The following ZNF804B variants were observed in gnomAD, a reference collection of about 807,000 sequenced individuals.
ZNF804B encodes the protein zinc finger 804B.
Under a neutral mutation model 101.4 loss-of-function variants are expected in ZNF804B, and 80 were observed. That is an observed-to-expected ratio of 0.79 (90% confidence interval 0.66 to 0.95). ZNF804B has a LOEUF of 0.95. Among genes scored for constraint, ZNF804B ranks in the 40% least tolerant of loss-of-function variants. ZNF804B has a pLI of 0.00. For synonymous variants in ZNF804B, 622 were observed against 558.8 expected, an observed-to-expected ratio of 1.11 and a Z score of -1.59; for missense variants, 1,673 against 1,561.9, an observed-to-expected ratio of 1.07 and a Z score of -1.20.
chr7:89,238,082 G>A (rs1225802271), intron 2 of ZNF804B, among the ~76,000 whole-genome samples: 1 of 152,092 alleles, frequency 6.6e-6, no homozygotes. Context: ...GGTAAGGAGA[G>A]GGAGGATAAT....
chr7:88,801,963 G>A (rs956303307), intron 1 of ZNF804B, among the ~76,000 whole-genome samples: 3 of 152,056 alleles, frequency 2.0e-5, no homozygotes, highest in Admixed American at 6.6e-5. Flanking sequence ...ATCTCATTTC[G>A]AATTGTAATC....
At chr7:89,148,807 A>T (rs1396306446) in intron 1 of ZNF804B, among the ~76,000 whole-genome samples, 1 of 152,120 alleles carries the variant, frequency 6.6e-6, no homozygotes, top group Non-Finnish European at 1.5e-5. Context: ...TCTGCTGAAT[A>T]GTCCCTTATG....
intron 1 of ZNF804B, among the ~76,000 whole-genome samples, chr7:88,816,124 C>T (rs1790872763): frequency 6.6e-6 from 1 of 152,112 alleles, no homozygotes; most frequent in Admixed American, 6.5e-5. Flanking sequence ...GCATGAATGT[C>T]CTCATCACCC....
At chr7:89,121,688 A>G (rs1275948049) in intron 1 of ZNF804B, among the ~76,000 whole-genome samples, 2 of 152,226 alleles carry the variant, frequency 1.3e-5, no homozygotes, top group Admixed American at 1.3e-4. Context: ...TTTAATTAAT[A>G]AAGAATCTAA....
chr7:88,983,023 C>T (rs892689824), intron 1 of ZNF804B, among the ~76,000 whole-genome samples: 3 of 152,038 alleles, frequency 2.0e-5, no homozygotes, highest in African/African-American at 7.2e-5. Flanking sequence ...TAGCAGTTCT[C>T]ATTCCAAAAA....
chr7:88,902,850 G>T (rs1792412855), intron 1 of ZNF804B, among the ~76,000 whole-genome samples: 1 of 151,906 alleles, frequency 6.6e-6, no homozygotes, highest in Non-Finnish European at 1.5e-5. Context: ...ATTCCAAGAT[G>T]GCATTTGCTA....
At chr7:88,869,541 C>T (rs60316710) in intron 1 of ZNF804B, among the ~76,000 whole-genome samples, 37,407 of 152,006 alleles carry the variant, frequency 0.25, 6,124 homozygotes, top group African/African-American at 0.47. Context: ...GGGGAATTAA[C>T]AGCAATATTT....
At chr7:89,077,372 G>A (rs1354969243) in intron 1 of ZNF804B, among the ~76,000 whole-genome samples, 2 of 152,060 alleles carry the variant, frequency 1.3e-5, no homozygotes, top group African/African-American at 4.8e-5. Flanking sequence ...AAATGTAGAT[G>A]TTTCTGATAG....
At chr7:88,887,116 A>T (rs1048725140) in intron 1 of ZNF804B, among the ~76,000 whole-genome samples, 2 of 152,116 alleles carry the variant, frequency 1.3e-5, no homozygotes, top group African/African-American at 4.8e-5. Context: ...TGCTGACAAG[A>T]TTGCGGAGAC....
rs1047763536 is a variant in ZNF804B at position 89,284,963 on chromosome 7, C to T, written c.250-42381C>T. On this transcript the variant is annotated intron_variant, in intron 2 of 3. Coordinates refer to ENST00000333190, the MANE Select transcript of ZNF804B (RefSeq NM_181646.5). ...CCTGTAATCTCAGCACTTTGAGAGG[C>T]GGAGGCAGGAGGATTACTTGAGCCC... Among the ~76,000 whole-genome samples, 8 of 151,836 alleles carry T rather than the reference C, an allele frequency of 5.3e-5. No homozygotes were observed. In the South Asian group the frequency reaches 6.2e-4, roughly 12 times the overall value.
At chr7:88,826,671 A>G (rs952964799) in intron 1 of ZNF804B, among the ~76,000 whole-genome samples, 2 of 151,998 alleles carry the variant, frequency 1.3e-5, no homozygotes, top group African/African-American at 4.8e-5. Context: ...TTACTTTTCA[A>G]TAGAGTCATA....
At chr7:88,926,358 A>G (rs1202912564) in intron 1 of ZNF804B, among the ~76,000 whole-genome samples, 2 of 151,400 alleles carry the variant, frequency 1.3e-5, no homozygotes, top group African/African-American at 4.9e-5. Context: ...AGGCTGAGGC[A>G]GGCGGATCAC....
intron 1 of ZNF804B, among the ~76,000 whole-genome samples, chr7:89,175,683 A>G (rs1791306792): frequency 6.6e-6 from 1 of 152,020 alleles, no homozygotes; most frequent in Non-Finnish European, 1.5e-5. Context: ...TAACAATATT[A>G]ACTCTTCCAA....
intron 1 of ZNF804B, among the ~76,000 whole-genome samples, chr7:89,114,359 A>T (rs1172579961): frequency 6.6e-6 from 1 of 152,222 alleles, no homozygotes; most frequent in Non-Finnish European, 1.5e-5. Context: ...CATGCAAAAT[A>T]TGCAAATGAA....
In ZNF804B at chr7:89,337,571, G is replaced by GAT. The variant is rs1562745938; in HGVS notation, c.*540_*541dup. ...AGGAAATAAGAACAAGACATTTTCT[G>GAT]ATTAATTTAGGTTGAAAATTACATT... is the stretch of plus-strand genomic sequence containing the variant. On this transcript the variant is annotated 3_prime_UTR_variant, in exon 4 of 4. Coordinates refer to ENST00000333190, the MANE Select transcript of ZNF804B (RefSeq NM_181646.5). Among the ~76,000 whole-genome samples the GAT allele has an allele frequency of 6.6e-6, 1 of 151,990 alleles. No homozygotes were observed. The highest frequency in any genetic ancestry group is 1.5e-5 in the Non-Finnish European group (1 of 67,964).
chr7:88,936,785 G>A (rs1792977916), intron 1 of ZNF804B, among the ~76,000 whole-genome samples: 1 of 151,988 alleles, frequency 6.6e-6, no homozygotes, highest in African/African-American at 2.4e-5. Context: ...TGCTTGGTGG[G>A]AAGAAACAGG....
chr7:89,313,025 A>G (rs926980976), intron 2 of ZNF804B, among the ~76,000 whole-genome samples: 7 of 152,194 alleles, frequency 4.6e-5, no homozygotes, highest in African/African-American at 1.4e-4. Flanking sequence ...TTTGATAAAA[A>G]CACTTTCTAA....
At chr7:88,885,219 C>A (rs890681889) in intron 1 of ZNF804B, among the ~76,000 whole-genome samples, 2 of 151,874 alleles carry the variant, frequency 1.3e-5, no homozygotes, top group African/African-American at 4.8e-5. Flanking sequence ...TATCTGCTAC[C>A]TTCCTCAGAG....
At chr7:89,253,646 G>A (rs1339488185) in intron 2 of ZNF804B, among the ~76,000 whole-genome samples, 1 of 151,814 alleles carries the variant, frequency 6.6e-6, no homozygotes, top group Non-Finnish European at 1.5e-5. Flanking sequence ...AGATTTTCAG[G>A]TAATTCTAAT....
Sources: gnomAD v4.1 joint callset for allele counts (sites outside exome capture counted in the v4.1 genomes callset) on GRCh38, gnomAD v4.1.1 for gene constraint, MANE v1.5 for transcripts, NCBI Gene and HGNC (gene_info 2026-07-23, HGNC 2026-07-21) for gene names.